Variants in DOCK4 observed in about 807,000 individuals in gnomAD.
DOCK4 encodes the protein dedicator of cytokinesis 4, also known as dedicator of cytokinesis protein 4.
A neutral mutation model predicts 268.1 loss-of-function variants in DOCK4; 97 were observed. The observed-to-expected ratio is 0.36, with a 90% confidence interval of 0.31 to 0.43. The LOEUF (loss-of-function observed/expected upper bound fraction) is 0.43, where lower values mean the gene tolerates loss of function less well. Ranked by LOEUF, DOCK4 falls within the 20% of genes least tolerant of loss-of-function variation. DOCK4 has a pLI of 1.00. For synonymous variants in DOCK4, 954 were observed against 887.2 expected (o/e 1.08, Z -1.34); for missense variants, 2,145 against 2,455.7 (o/e 0.87, Z 2.67).
chr7:111,793,363 C>T (rs7795709), intron 30 of DOCK4, among the ~76,000 whole-genome samples: 8,388 of 152,250 alleles, frequency 0.055, 739 homozygotes, highest in African/African-American at 0.19. Context: ...CAAGGCATTA[C>T]AGCAGTCAAA....
chr7:111,776,062 A>T (rs1798425186), intron 36 of DOCK4, among the ~76,000 whole-genome samples: 2 of 152,244 alleles, frequency 1.3e-5, no homozygotes, highest in Non-Finnish European at 2.9e-5. Flanking sequence ...TGTCTGTTAA[A>T]ATTCAAAAAA....
chr7:112,139,422 G>A (rs942006995), intron 1 of DOCK4, among the ~76,000 whole-genome samples: 21 of 152,238 alleles, frequency 1.4e-4, no homozygotes, highest in Admixed American at 1.1e-3. Context: ...CACTCCCACT[G>A]GTCTATTAGG....
Position 111,728,045 on chromosome 7 carries a change from C to T in DOCK4, c.*229G>A, listed in dbSNP as rs2133339011. 1 of 402,714 alleles carries T rather than the reference C, an allele frequency of 2.5e-6. No homozygotes were observed. The highest frequency in any genetic ancestry group is 4.3e-6 in the Non-Finnish European group (1 of 230,472). The allele number at this position is 402,714 out of a possible 1,614,324, so 24.9% of individuals were successfully genotyped here. ...GAGTCTTTATCACTATTTACCACTTCCAAATGAGAAACGTTTTAATGAAAT... is the reference window on the plus strand; with the variant it reads ...GAGTCTTTATCACTATTTACCACTTTCAAATGAGAAACGTTTTAATGAAAT... On this transcript the variant is annotated 3_prime_UTR_variant, in exon 53 of 53. Coordinates refer to ENST00000428084, the MANE Select transcript of DOCK4 (RefSeq NM_001363540.2).
chr7:112,136,219 T>G (rs1563120758), intron 1 of DOCK4, among the ~76,000 whole-genome samples: 1 of 152,100 alleles, frequency 6.6e-6, no homozygotes, highest in Non-Finnish European at 1.5e-5. Context: ...AGCTAATATG[T>G]TTTAATATCA....
At chr7:112,102,426 C>G (rs1415182270) in intron 1 of DOCK4, among the ~76,000 whole-genome samples, 2 of 152,072 alleles carry the variant, frequency 1.3e-5, no homozygotes, top group African/African-American at 4.8e-5. Flanking sequence ...GGGAAAGGTA[C>G]CACGATGAAC....
intron 51 of DOCK4, among the ~76,000 whole-genome samples, 173 bp downstream of exon 51, chr7:111,734,881 G>A (rs141424409): frequency 7.4e-4 from 113 of 152,274 alleles, no homozygotes; most frequent in African/African-American, 2.5e-3. Flanking sequence ...GTTTGACCCC[G>A]TGTAATAGAA....
intron 23 of DOCK4, 143 bp from the exon 24 acceptor site, chr7:111,847,269 A>C (rs1001839634): frequency 9.4e-7 from 1 of 1,069,378 alleles, no homozygotes; most frequent in Non-Finnish European, 1.3e-6. Context: ...TACAAGGTTT[A>C]TATTGAAAAA....
intron 8 of DOCK4, among the ~76,000 whole-genome samples, chr7:111,965,148 T>A (rs1797280528): frequency 1.1e-5 from 1 of 90,206 alleles, no homozygotes; most frequent in Non-Finnish European, 1.9e-5. Context: ...CTGCATCAAC[T>A]AATGAGCAAA....
At position 111,732,259 on chromosome 7, in the gene DOCK4, T is replaced by G. The variant is rs894958316; in HGVS notation, c.5448A>C (p.Val1816=). 6.2e-7 allele frequency: 1 copy of G among 1,614,038 alleles called. No homozygotes were observed. The highest frequency in any genetic ancestry group is 8.5e-7 in the Non-Finnish European group (1 of 1,179,898). ...GAGATCGCCCGGCAGGCGAGGGGGA[T>G]ACTGATGTCGTGTGTCTTGCTGGTG... ...TASPARHTTS[V]SPSPAGRSPL... Residue 1816 remains valine, a synonymous_variant, in exon 52 of 53, where the codon GTA becomes GTC. Coordinates refer to ENST00000428084, the MANE Select transcript of DOCK4 (RefSeq NM_001363540.2).
At chr7:111,768,258 C>A (rs1797887905) in intron 37 of DOCK4, among the ~76,000 whole-genome samples, 1 of 152,034 alleles carries the variant, frequency 6.6e-6, no homozygotes, top group Non-Finnish European at 1.5e-5. Context: ...CGGGGATGGA[C>A]CAATAAATGA....
At chr7:112,143,934 G>A (rs999053391) in intron 1 of DOCK4, among the ~76,000 whole-genome samples, 2 of 152,144 alleles carry the variant, frequency 1.3e-5, no homozygotes, top group East Asian at 1.9e-4. Context: ...CTTCCTACAC[G>A]GATTGTAAAC....
chr7:111,946,369 G>C (rs1023879545), intron 8 of DOCK4, among the ~76,000 whole-genome samples: 8 of 152,098 alleles, frequency 5.3e-5, no homozygotes, highest in Admixed American at 5.2e-4. Flanking sequence ...TGAAAATACA[G>C]TGCCACCGGG....
rs567144777 is a variant in DOCK4 at position 112,022,121 on chromosome 7, A to C, written c.38-17990T>G. ...GGTTTACCTTTTCCCCTTCACATGCAATCTCCTCTGTCTCTATTCAGTTCC... is the reference window on the plus strand; with the variant it reads ...GGTTTACCTTTTCCCCTTCACATGCCATCTCCTCTGTCTCTATTCAGTTCC... On this transcript the variant is annotated intron_variant, in intron 1 of 52. Transcript: ENST00000428084. 3.9e-5 allele frequency among the ~76,000 whole-genome samples: 6 copies of C among 152,318 alleles called. No homozygotes were observed. In the East Asian group the frequency reaches 1.2e-3, roughly 29 times the overall value.
At chr7:111,766,130 T>G (rs558738922) in intron 38 of DOCK4, among the ~76,000 whole-genome samples, 1 of 152,338 alleles carries the variant, frequency 6.6e-6, no homozygotes, top group Non-Finnish European at 1.5e-5. Context: ...CATGATGGAC[T>G]GAAGTTAAAA....
chr7:111,946,854 T>A (rs1279273716), intron 8 of DOCK4, among the ~76,000 whole-genome samples: 1 of 152,218 alleles, frequency 6.6e-6, no homozygotes, highest in East Asian at 1.9e-4. Context: ...TATGCTGGGA[T>A]TACAGGCATG....
At chr7:111,808,495 A>G (rs1383278216) in intron 30 of DOCK4, 4 of 240,016 alleles carry the variant, frequency 1.7e-5, no homozygotes, top group Non-Finnish European at 3.2e-5. Flanking sequence ...AGTTCTAGAA[A>G]TTTTGAGTTG....
At chr7:111,973,918 T>C (rs929885390) in intron 8 of DOCK4, among the ~76,000 whole-genome samples, 1 of 152,108 alleles carries the variant, frequency 6.6e-6, no homozygotes, top group African/African-American at 2.4e-5. Flanking sequence ...CACTCACAAA[T>C]AAGAAGAAAT....
chr7:111,788,947 C>T (rs1328225287), intron 31 of DOCK4, 200 bp from the exon 32 acceptor site: 3 of 595,644 alleles, frequency 5.0e-6, no homozygotes, highest in African/African-American at 1.9e-5. Flanking sequence ...CTTCACACTC[C>T]TGGCTGGGTA....
intron 12 of DOCK4, among the ~76,000 whole-genome samples, chr7:111,918,543 C>T (rs908080063): frequency 3.9e-5 from 6 of 152,162 alleles, no homozygotes; most frequent in Admixed American, 1.3e-4. Context: ...AACCTGGAGG[C>T]GGAAGAATGA....
Sources: allele counts gnomAD v4.1 joint callset (sites outside exome capture counted in the v4.1 genomes callset), GRCh38; gene constraint gnomAD v4.1.1; transcripts MANE v1.5; gene names NCBI Gene and HGNC (gene_info 2026-07-23, HGNC 2026-07-21).